The following LTBP2 variants were observed in gnomAD, a reference collection of about 807,000 sequenced individuals.
LTBP2 encodes the protein latent transforming growth factor beta binding protein 2.
LTBP2 carries 103 observed loss-of-function variants against 210.6 expected under a neutral mutation model. The observed-to-expected ratio is 0.49, with a 90% CI of 0.42 to 0.58. The LOEUF is 0.58. Among genes scored for constraint, LTBP2 ranks in the 20% least tolerant of loss-of-function variants. The probability of loss-of-function intolerance (pLI) is 0.00; values close to 1 mark genes in which losing one functional copy is unlikely to be tolerated. For missense variants in LTBP2, 2,313 were observed against 2,494.5 expected, an observed-to-expected ratio of 0.93 and a Z score of 1.55; for synonymous variants, 1,007 against 1,015.0, an observed-to-expected ratio of 0.99 and a Z score of 0.15.
rs747667029 is a variant in LTBP2 at position 74,611,937 on chromosome 14, G to A, written c.8C>T (p.Pro3Leu). Reference sequence around the variant, plus strand: ...CCCCGGGCTGCGGGCTTTGGTCCGCGGCCTCATGGCGCGGGGCGGCTGGAG... The same window carrying A: ...CCCCGGGCTGCGGGCTTTGGTCCGCAGCCTCATGGCGCGGGGCGGCTGGAG... The part of the protein sequence containing the change: MR[P>L]RTKARSPGRA... Residue 3 changes from proline (P) to leucine (L), a missense_variant, in exon 1 of 36, where the codon CCG becomes CTG. By Grantham distance (98) the Pro-to-Leu change is moderately conservative. Around this residue, in one of 3 missense-constraint regions of LTBP2, gnomAD observed 1,867 missense variants for 1,976.9 expected, o/e 0.94. Transcript: ENST00000261978. 2.5e-6 allele frequency: 4 copies of A among 1,579,566 alleles called. No homozygotes were observed. The highest frequency in any genetic ancestry group is 2.3e-5 in the East Asian group (1 of 43,944).
At chr14:74,501,953 C>A in intron 34 of LTBP2, 1 of 351,976 alleles carries the variant, frequency 2.8e-6, no homozygotes, top group South Asian at 2.8e-5. Flanking sequence ...TTTGTTTAAA[C>A]CTTCACATCG....
At chr14:74,525,262 C>A in intron 14 of LTBP2, 37 bp from the exon 15 acceptor site, 2 of 1,218,252 alleles carry the variant, frequency 1.6e-6, no homozygotes, top group Non-Finnish European at 2.1e-6. Flanking sequence ...GGGTTGTGGC[C>A]CCTTGGCTGG....
At chr14:74,521,337 A>G (rs1178341947) in intron 17 of LTBP2, among the ~76,000 whole-genome samples, 1 of 152,222 alleles carries the variant, frequency 6.6e-6, no homozygotes, top group Admixed American at 6.5e-5. Flanking sequence ...ATAAAAATGT[A>G]TGTGGAAAAA....
At chr14:74,527,193 C>T (rs1422429728) in intron 13 of LTBP2, among the ~76,000 whole-genome samples, 154 bp downstream of exon 13, 2 of 152,228 alleles carry the variant, frequency 1.3e-5, no homozygotes, top group African/African-American at 4.8e-5. Flanking sequence ...TGGATCAATC[C>T]TCCCACTTGG....
In LTBP2 at chr14:74,501,116, C is replaced by T. The variant is rs141439898; in HGVS notation, c.5321-87G>A. ...CTCTCTGGTTAGTAAGCCCTGGCCA[C>T]TGCCCTAGAGTGAAACCCTAAGTGT... On this transcript the variant is annotated intron_variant, in intron 35 of 35. Coordinates refer to ENST00000261978, the MANE Select transcript of LTBP2 (RefSeq NM_000428.3). The T allele has an allele frequency of 2.7e-4, 393 of 1,473,004 alleles. 2 individuals are homozygous for T. In the African/African-American group the frequency reaches 4.8e-3, roughly 18 times the overall value. The allele number at this position is 1,473,004 out of a possible 1,614,324, so 91.2% of individuals were successfully genotyped here. A position where few individuals can be genotyped will look rare whatever the true frequency, so the allele number is the denominator to read the frequency against.
intron 8 of LTBP2, among the ~76,000 whole-genome samples, chr14:74,546,641 G>A (rs911152321): frequency 1.3e-5 from 2 of 152,322 alleles, no homozygotes; most frequent in South Asian, 2.1e-4. Context: ...GGGGCAGAGC[G>A]AGGGCAAGGG....
At chr14:74,561,117 G>A (rs1041851915) in intron 3 of LTBP2, among the ~76,000 whole-genome samples, 2 of 152,122 alleles carry the variant, frequency 1.3e-5, no homozygotes, top group Admixed American at 6.5e-5. Flanking sequence ...TCAGGAGTTC[G>A]AGACCAGCCT....
At chr14:74,575,860 T>C (rs1011646824) in intron 3 of LTBP2, among the ~76,000 whole-genome samples, 6 of 152,350 alleles carry the variant, frequency 3.9e-5, no homozygotes, top group African/African-American at 1.4e-4. Context: ...ATCTCTTCCA[T>C]TGGATCTGGC....
chr14:74,573,244 G>A (rs1268192833), intron 3 of LTBP2, among the ~76,000 whole-genome samples: 2 of 152,178 alleles, frequency 1.3e-5, no homozygotes, highest in South Asian at 2.1e-4. Context: ...GGCTGGAATC[G>A]CCCTTACCCT....
intron 3 of LTBP2, 113 bp downstream of exon 3, chr14:74,585,741 G>A (rs1178507091): frequency 1.3e-6 from 2 of 1,521,366 alleles, no homozygotes; most frequent in Non-Finnish European, 1.8e-6. Flanking sequence ...GAGGAGAGAA[G>A]GGAGGACTCT....
chr14:74,587,757 G>A (rs1461444364), intron 2 of LTBP2, among the ~76,000 whole-genome samples: 1 of 152,122 alleles, frequency 6.6e-6, no homozygotes, highest in Non-Finnish European at 1.5e-5. Context: ...TTTGTGAGCT[G>A]AACTCTCCTT....
intron 15 of LTBP2, among the ~76,000 whole-genome samples, chr14:74,523,429 G>T (rs765892260): frequency 6.6e-6 from 1 of 152,070 alleles, no homozygotes; most frequent in Non-Finnish European, 1.5e-5. Context: ...TTTGTGAAAG[G>T]TGGGGGTGGG....
chr14:74,540,301 T>C (rs1419552759), intron 8 of LTBP2, among the ~76,000 whole-genome samples: 1 of 151,192 alleles, frequency 6.6e-6, no homozygotes, highest in Non-Finnish European at 1.5e-5. Context: ...GGCAAAACCC[T>C]GTCTCTACCA....
intron 3 of LTBP2, among the ~76,000 whole-genome samples, chr14:74,557,142 G>T (rs1302211342): frequency 1.3e-5 from 2 of 152,090 alleles, no homozygotes; most frequent in African/African-American, 4.8e-5. Context: ...CATGCCTGTG[G>T]TCCCAGGTAC....
In LTBP2 at chr14:74,505,954, C is replaced by T. The variant is rs2139691122; in HGVS notation, c.4177+94G>A. 3.2e-6 allele frequency: 5 copies of T among 1,540,236 alleles called. No individual in the cohort carries two copies. In the South Asian group the frequency reaches 5.8e-5, roughly 18 times the overall value. On this transcript the variant is annotated intron_variant, in intron 28 of 35. Coordinates refer to ENST00000261978, the MANE Select transcript of LTBP2 (RefSeq NM_000428.3). ...TGCCCCAGGCCCTGGCCCAGTGTCC[C>T]CCTCAGCGGCTAGAGGCTAGTAGAG...
In LTBP2 at chr14:74,509,740, A is replaced by G; in HGVS notation, c.3271T>C (p.Cys1091Arg). 6.2e-7 allele frequency: 1 copy of G among 1,614,068 alleles called. No individual in the cohort carries two copies. The highest frequency in any genetic ancestry group is 8.5e-7 in the Non-Finnish European group (1 of 1,180,012). ...ACTGCCTCCCCAGGGTTACCTTCAC[A>G]GGCAGTGCCGTCTTCATTCACCCAG... is the stretch of plus-strand genomic sequence containing the variant. The part of the protein sequence containing the change: ...GYWVNEDGTA[C>R]EDLDECAFPG... Residue 1091 changes from cysteine (C) to arginine (R), a missense_variant, in exon 21 of 36, where the codon TGT becomes CGT. Cys to Arg is a radical substitution (Grantham distance 180). Transcript: ENST00000261978.
chr14:74,574,022 A>G (rs937585158), intron 3 of LTBP2, among the ~76,000 whole-genome samples: 3 of 152,154 alleles, frequency 2.0e-5, no homozygotes, highest in Admixed American at 2.0e-4. Flanking sequence ...CCCCAGTATT[A>G]AATTAGGTGG....
chr14:74,554,515 G>A (rs73297908), intron 4 of LTBP2, among the ~76,000 whole-genome samples: 4,072 of 152,162 alleles, frequency 0.027, 174 homozygotes, highest in African/African-American at 0.09. Flanking sequence ...AAGAAAAAGA[G>A]AAGAAAAGAA....
intron 8 of LTBP2, among the ~76,000 whole-genome samples, chr14:74,544,395 GGGA>G (rs2087552403): frequency 6.6e-6 from 1 of 152,164 alleles, no homozygotes; most frequent in Non-Finnish European, 1.5e-5. Context: ...CTGTAAAATG[GGGA>G]TAATAGCACC....
Sources: allele counts gnomAD v4.1 joint callset (sites outside exome capture counted in the v4.1 genomes callset), GRCh38; gene constraint gnomAD v4.1.1; regional missense constraint gnomAD v4.1.1; transcripts MANE v1.5; gene names NCBI Gene and HGNC (gene_info 2026-07-23, HGNC 2026-07-21).